Variants in SEPTIN10 observed in about 807,000 individuals in gnomAD.
SEPTIN10 encodes septin-10.
A neutral mutation model predicts 54.8 loss-of-function variants in SEPTIN10; 66 were observed. That is an observed-to-expected ratio of 1.21 (90% CI 0.99 to 1.48). The LOEUF (loss-of-function observed/expected upper bound fraction) is 1.48. Ranked by LOEUF, SEPTIN10 falls within the 40% of genes most tolerant of loss-of-function variation. The pLI is 0.00. For missense variants in SEPTIN10, 620 were observed against 545.6 expected, an observed-to-expected ratio of 1.14 and a Z score of -1.36; for synonymous variants, 161 against 181.0, an observed-to-expected ratio of 0.89 and a Z score of 0.89.
intron 1 of SEPTIN10, chr2:109,613,080 G>A (rs763727649): frequency 1.3e-5 from 9 of 692,270 alleles, no homozygotes; most frequent in Non-Finnish European, 2.0e-5. Context: ...ACAGGCATCG[G>A]GCCTCCAAAC....
intron 1 of SEPTIN10, among the ~76,000 whole-genome samples, chr2:109,607,469 G>A (rs1259949535): frequency 5.9e-5 from 9 of 152,074 alleles, no homozygotes; most frequent in African/African-American, 1.4e-4. Flanking sequence ...AGCAGAAATC[G>A]GTTCTTGGGA....
At position 109,556,078 on chromosome 2, in the gene SEPTIN10, A is replaced by C. The variant is rs147599924; in HGVS notation, c.1029-2859T>G. Among the ~76,000 whole-genome samples the C allele has an allele frequency of 4.3e-3, 649 of 152,260 alleles. 2 individuals carry two copies. Among genetic ancestry groups the C allele is most frequent in the Admixed American group, 6.9e-3 (106 of 15,296 alleles). Reference sequence around the variant, plus strand: ...CTCTAGACATTTCAGTTTCTTTATAAATGTTCATAGAATGACAAATTTCTG... The same window carrying C: ...CTCTAGACATTTCAGTTTCTTTATACATGTTCATAGAATGACAAATTTCTG... On this transcript the variant is annotated intron_variant, in intron 8 of 10. Coordinates refer to ENST00000397712, the MANE Select transcript of SEPTIN10 (RefSeq NM_144710.5).
intron 1 of SEPTIN10, among the ~76,000 whole-genome samples, chr2:109,610,561 A>G (rs1034141746): frequency 1.3e-5 from 2 of 152,148 alleles, no homozygotes; most frequent in Non-Finnish European, 2.9e-5. Flanking sequence ...CTAAAAATAC[A>G]AAAAATTAGC....
Position 109,598,942 on chromosome 2 carries a change from T to TG in SEPTIN10, c.31-5824dup, listed in dbSNP as rs552292864. On this transcript the variant is annotated intron_variant, in intron 1 of 10. Transcript: ENST00000397712. Reference sequence around the variant, plus strand: ...GCCTATTTTATGAGTTTCAGGAGGGTGGGGTATTTGGCTTGAAACAATACT... The same window carrying TG: ...GCCTATTTTATGAGTTTCAGGAGGGTGGGGGTATTTGGCTTGAAACAATACT... 1.3e-4 allele frequency among the ~76,000 whole-genome samples: 19 copies of TG among 151,804 alleles called. 1 individual carries two copies. The East Asian group carries it at 3.7e-3, about 29-fold the overall frequency.
chr2:109,577,598 TA>T lies in SEPTIN10; in HGVS notation c.414-2832del, dbSNP rs566368167. Reference sequence around the variant, plus strand: ...CAGAGTGAGACTCCACCTCAAAATTTAAAAAAAAAAAAAAGAAAAAGAAAGA... The same window carrying T: ...CAGAGTGAGACTCCACCTCAAAATTTAAAAAAAAAAAAAGAAAAAGAAAGA... On this transcript the variant is annotated intron_variant, in intron 4 of 10. Transcript: ENST00000397712. Among the ~76,000 whole-genome samples, 503 of 133,102 alleles carry T rather than the reference TA, an allele frequency of 3.8e-3. 1 individual carries two copies. Among genetic ancestry groups the T allele is most frequent in the Non-Finnish European group, 4.2e-3 (265 of 62,522 alleles). The allele number at this position is 133,102 out of a possible 152,430, so 87.3% of individuals were successfully genotyped here.
chr2:109,567,601 A>G (rs1231497436), intron 6 of SEPTIN10, among the ~76,000 whole-genome samples: 8 of 152,244 alleles, frequency 5.3e-5, no homozygotes, highest in Admixed American at 5.2e-4. Context: ...GTGAAAGCAG[A>G]GTGAAAGAAA....
rs1185486244 is a variant in SEPTIN10, at chr2:109,559,911, CT to C, written c.1028+4454del. On this transcript the variant is annotated intron_variant, in intron 8 of 10. Coordinates refer to ENST00000397712, the MANE Select transcript of SEPTIN10 (RefSeq NM_144710.5). ...GACCTATGTAGCCTCCAACCAATGC[CT>C]TTTTTTTTTTTTTTTTTTTGTCTTT... is the stretch of plus-strand genomic sequence containing the variant. 8.1e-3 allele frequency among the ~76,000 whole-genome samples: 948 copies of C among 117,518 alleles called. 5 individuals carry two copies. The highest frequency in any genetic ancestry group is 0.02 in the African/African-American group (640 of 31,482). The allele number at this position is 117,518 out of a possible 152,430, so 77.1% of individuals were successfully genotyped here. A position where few individuals can be genotyped will look rare whatever the true frequency, so the allele number is the denominator to read the frequency against.
In SEPTIN10 at chr2:109,593,144, A is replaced by T. The variant is rs1479937820; in HGVS notation, c.31-25T>A. 2.6e-6 allele frequency: 4 copies of T among 1,537,880 alleles called. No individual in the cohort carries two copies. The East Asian group carries it at 9.2e-5, about 35-fold the overall frequency. ...GCTAAAAAAGGAATACAAAGGCTTA[A>T]AAGGAAACAGAAACATTACTCCCCA... On this transcript the variant is annotated intron_variant, in intron 1 of 10. Transcript: ENST00000397712.
chr2:109,606,672 CTTTTTTTTTTTT>C (rs34414105), intron 1 of SEPTIN10, among the ~76,000 whole-genome samples: 1 of 71,896 alleles, frequency 1.4e-5, no homozygotes, highest in Non-Finnish European at 2.4e-5. Context: ...AAATTTTAAG[CTTTTTTTTTTTT>C]TTTTTTTTTT....
intron 2 of SEPTIN10, among the ~76,000 whole-genome samples, chr2:109,592,519 C>T (rs1355134916): frequency 6.6e-6 from 1 of 151,066 alleles, no homozygotes; most frequent in East Asian, 2.0e-4. Context: ...GGCGCAGTGG[C>T]CTGTAATCCT....
At position 109,600,481 on chromosome 2, in the gene SEPTIN10, C is replaced by A. The variant is rs112505741; in HGVS notation, c.31-7362G>T. On this transcript the variant is annotated intron_variant, in intron 1 of 10. Coordinates refer to ENST00000397712, the MANE Select transcript of SEPTIN10 (RefSeq NM_144710.5). ...TTCCTGTTCCAAGCATACTGCCAAA[C>A]TGCCCCTCAAAAAGACTGGACCTAC... is the stretch of plus-strand genomic sequence containing the variant. Among the ~76,000 whole-genome samples the A allele has an allele frequency of 1.1e-4, 17 of 151,720 alleles. 1 individual carries two copies. The highest frequency in any genetic ancestry group is 3.6e-4 in the African/African-American group (15 of 41,360).
intron 1 of SEPTIN10, among the ~76,000 whole-genome samples, chr2:109,607,707 A>C (rs1698317428): frequency 6.6e-6 from 1 of 152,132 alleles, no homozygotes; most frequent in Admixed American, 6.5e-5. Flanking sequence ...GTTCTAGATA[A>C]ACCTTGAAAA....
intron 2 of SEPTIN10, among the ~76,000 whole-genome samples, chr2:109,589,303 C>A (rs1489918478): frequency 1.3e-5 from 2 of 152,054 alleles, no homozygotes; most frequent in Admixed American, 1.3e-4. Flanking sequence ...GAGGCCAAGG[C>A]AGGCAGGTTA....
chr2:109,551,041 A>G (rs949972525), intron 9 of SEPTIN10, among the ~76,000 whole-genome samples: 3 of 152,238 alleles, frequency 2.0e-5, no homozygotes, highest in Non-Finnish European at 4.4e-5. Flanking sequence ...GGGAGGGTAT[A>G]TAGGAAATCC....
intron 2 of SEPTIN10, among the ~76,000 whole-genome samples, chr2:109,591,581 A>C (rs1014157764): frequency 1.3e-5 from 2 of 152,192 alleles, no homozygotes; most frequent in Non-Finnish European, 2.9e-5. Context: ...GGAGCACAGA[A>C]CTAAAGGAAA....
chr2:109,575,372 T>G (rs72938271), intron 4 of SEPTIN10, among the ~76,000 whole-genome samples: 48,629 of 152,134 alleles, frequency 0.32, 8,001 homozygotes, highest in Admixed American at 0.42. Flanking sequence ...AAAGCCTAAG[T>G]AAAGAAGAAA....
chr2:109,568,156 T>C (rs755161680), intron 5 of SEPTIN10, among the ~76,000 whole-genome samples, 180 bp from the exon 6 acceptor site: 1 of 152,032 alleles, frequency 6.6e-6, no homozygotes, highest in Non-Finnish European at 1.5e-5. Flanking sequence ...ACAGGAACAC[T>C]GCCATGCCCA....
Position 109,569,365 on chromosome 2 carries a change from AG to A in SEPTIN10, c.601-1390del, listed in dbSNP as rs1687821630. Reference sequence around the variant, plus strand: ...AGAATCGCTTGAACCCAGGAGGCAGAGGTTGCAGTGAGCCGAGATCGCGTCA... The same window carrying A: ...AGAATCGCTTGAACCCAGGAGGCAGAGTTGCAGTGAGCCGAGATCGCGTCA... On this transcript the variant is annotated intron_variant, in intron 5 of 10. Transcript: ENST00000397712. Among the ~76,000 whole-genome samples, 3 of 150,702 alleles carry A rather than the reference AG, an allele frequency of 2.0e-5. No individual in the cohort carries two copies. The South Asian group carries it at 6.3e-4, about 32-fold the overall frequency.
At chr2:109,545,587 T>TCA (rs1179128579) in intron 10 of SEPTIN10, 3 of 1,533,918 alleles carry the variant, frequency 2.0e-6, no homozygotes, top group Non-Finnish European at 1.7e-6. Context: ...CAGTAGAATT[T>TCA]GTTCTAAAAA....
Sources: gnomAD v4.1 joint callset for allele counts (sites outside exome capture counted in the v4.1 genomes callset) on GRCh38, gnomAD v4.1.1 for gene constraint, MANE v1.5 for transcripts, NCBI Gene and HGNC (gene_info 2026-07-23, HGNC 2026-07-21) for gene names.